Variants in ASCC1 observed in about 807,000 individuals in gnomAD.
The protein encoded by ASCC1 is ASC-1 complex subunit P50.
In ASCC1, 35 loss-of-function variants were observed where a neutral mutation model predicts 46.6. The observed-to-expected ratio is 0.75, with a 90% CI of 0.57 to 0.99. ASCC1 has a LOEUF of 0.99. Among genes scored for constraint, ASCC1 ranks in the 50% least tolerant of loss-of-function variants. The pLI, the probability that ASCC1 is intolerant of heterozygous loss-of-function variation, is 0.00. For missense variants in ASCC1, 376 were observed against 428.7 expected (o/e 0.88, Z 1.09); for synonymous variants, 143 against 146.6 (o/e 0.98, Z 0.18).
chr10:72,124,490 A>T (rs1426783588), intron 9 of ASCC1, among the ~76,000 whole-genome samples: 1 of 152,184 alleles, frequency 6.6e-6, no homozygotes, highest in Non-Finnish European at 1.5e-5. Flanking sequence ...GCTTTTGAAC[A>T]GTTAACATTG....
intron 9 of ASCC1, among the ~76,000 whole-genome samples, chr10:72,098,381 T>C (rs1668155): frequency 0.53 from 79,985 of 152,164 alleles, 22,034 homozygotes; most frequent in African/African-American, 0.69. Context: ...TTTTTAGAGA[T>C]AGGGTCTCTC....
At chr10:72,204,555 C>T (rs758529289) in intron 3 of ASCC1, 5 of 1,545,512 alleles carry the variant, frequency 3.2e-6, no homozygotes, top group South Asian at 1.2e-5. Context: ...CACTAAGAGG[C>T]CATCACAGGG....
At chr10:72,146,172 A>G (rs1847603325) in intron 7 of ASCC1, among the ~76,000 whole-genome samples, 1 of 152,206 alleles carries the variant, frequency 6.6e-6, no homozygotes, top group South Asian at 2.1e-4. Context: ...CCTTCCCGAC[A>G]GCCCTGGCAT....
At chr10:72,147,139 T>A (rs890256728) in intron 7 of ASCC1, among the ~76,000 whole-genome samples, 1 of 151,290 alleles carries the variant, frequency 6.6e-6, no homozygotes, top group African/African-American at 2.4e-5. Flanking sequence ...AAAGTGGCTA[T>A]TGTCAGGAAG....
Position 72,203,470 on chromosome 10 carries a change from T to C in ASCC1, c.267A>G (p.Lys89=). ...CAGGTTTAGGAATGCTAATAGAAGT[T>C]TTGGTCTCCATTTCTATTTTCTTCC... The part of the protein sequence containing the change: ...DTRKKIEMET[K]TSISIPKPGQ... Residue 89 remains lysine, a synonymous_variant, in exon 4 of 10, where the codon AAA becomes AAG. Transcript: ENST00000672957. 6.2e-7 allele frequency: 1 copy of C among 1,613,640 alleles called. No homozygotes were observed. Among genetic ancestry groups the C allele is most frequent in the Non-Finnish European group, 8.5e-7 (1 of 1,179,680 alleles).
At chr10:72,115,453 G>A (rs1843395942) in intron 9 of ASCC1, among the ~76,000 whole-genome samples, 1 of 152,120 alleles carries the variant, frequency 6.6e-6, no homozygotes, top group African/African-American at 2.4e-5. Flanking sequence ...TTGAATACAG[G>A]GAGACTGTAG....
intron 7 of ASCC1, among the ~76,000 whole-genome samples, chr10:72,142,872 A>G (rs375856633): frequency 2.4e-4 from 37 of 152,230 alleles, no homozygotes; most frequent in African/African-American, 6.3e-4. Flanking sequence ...GCAAAAAGGT[A>G]TTAAATGGGC....
chr10:72,217,010 CT>C (rs778427857), upstream of ASCC1: 88 of 454,882 alleles, frequency 1.9e-4, 3 homozygotes, highest in South Asian at 1.4e-3. Context: ...CCTGCATGAC[CT>C]TTGCTGAGCT....
At chr10:72,200,220 G>GA (rs1158126075) in intron 4 of ASCC1, among the ~76,000 whole-genome samples, 1 of 152,008 alleles carries the variant, frequency 6.6e-6, no homozygotes, top group Non-Finnish European at 1.5e-5. Context: ...TACACAAATA[G>GA]AAAAAATGGG....
At chr10:72,206,449 T>C (rs1372520818) in intron 3 of ASCC1, among the ~76,000 whole-genome samples, 1 of 152,148 alleles carries the variant, frequency 6.6e-6, no homozygotes, top group East Asian at 1.9e-4. Context: ...GAATGAATAA[T>C]ACCTATTTGT....
At chr10:72,204,337 C>G in intron 3 of ASCC1, 1 of 1,514,074 alleles carries the variant, frequency 6.6e-7, no homozygotes, top group Non-Finnish European at 9.0e-7. Flanking sequence ...AGCCAACTCT[C>G]GACTACCCCA....
At chr10:72,154,439 A>T (rs988338176) in intron 6 of ASCC1, among the ~76,000 whole-genome samples, 3 of 152,128 alleles carry the variant, frequency 2.0e-5, no homozygotes, top group Admixed American at 6.6e-5. Flanking sequence ...TGTGCCTCTT[A>T]GCATGATGCA....
intron 3 of ASCC1, among the ~76,000 whole-genome samples, chr10:72,210,335 T>C (rs1857893331): frequency 6.6e-6 from 1 of 152,268 alleles, no homozygotes; most frequent in South Asian, 2.1e-4. Context: ...AATTTTTGTA[T>C]ATTTAGTAGA....
intron 9 of ASCC1, 22 bp downstream of exon 9, chr10:72,128,060 A>G: frequency 6.3e-7 from 1 of 1,590,150 alleles, no homozygotes. Flanking sequence ...AGGATTTCCA[A>G]TTCACTCTGC....
At chr10:72,202,856 T>C (rs1856680592) in intron 4 of ASCC1, among the ~76,000 whole-genome samples, 1 of 152,144 alleles carries the variant, frequency 6.6e-6, no homozygotes, top group Admixed American at 6.6e-5. Flanking sequence ...AATCTCCTAA[T>C]ACACAGTGAA....
chr10:72,193,609 T>C (rs1237680984), intron 5 of ASCC1, among the ~76,000 whole-genome samples: 3 of 152,034 alleles, frequency 2.0e-5, no homozygotes, highest in Non-Finnish European at 4.4e-5. Context: ...TGTATCCTAA[T>C]TGTTGTGGTA....
chr10:72,203,569 A>C (rs756073222), intron 3 of ASCC1, 45 bp from the exon 4 acceptor site: 1 of 1,350,828 alleles, frequency 7.4e-7, no homozygotes, highest in South Asian at 1.2e-5. Flanking sequence ...AAAATGTACC[A>C]AAATAAAGAA....
intron 3 of ASCC1, among the ~76,000 whole-genome samples, chr10:72,208,785 TTG>T (rs879575195): frequency 9.5e-5 from 14 of 147,918 alleles, no homozygotes; most frequent in Non-Finnish European, 1.9e-4. Flanking sequence ...GTGTGTGTGT[TTG>T]TGTGTGTGTG....
chr10:72,152,552 C>T (rs1056984723), intron 7 of ASCC1, among the ~76,000 whole-genome samples: 3 of 152,108 alleles, frequency 2.0e-5, no homozygotes, highest in African/African-American at 7.2e-5. Context: ...ACCACATTAG[C>T]CTGGTGCAGG....
Sources: gnomAD v4.1 joint callset for allele counts (sites outside exome capture counted in the v4.1 genomes callset) on GRCh38, gnomAD v4.1.1 for gene constraint, MANE v1.5 for transcripts, NCBI Gene and HGNC (gene_info 2026-07-23, HGNC 2026-07-21) for gene names.